The following CTNNA3 variants were observed in gnomAD, a reference collection of about 807,000 sequenced individuals.
CTNNA3 encodes the protein catenin alpha-3.
A neutral mutation model predicts 95.7 loss-of-function variants in CTNNA3; 76 were observed. The observed-to-expected ratio is 0.79, with a 90% confidence interval of 0.66 to 0.96. The LOEUF (loss-of-function observed/expected upper bound fraction) is 0.96. Ranked by LOEUF, CTNNA3 falls within the 40% of genes least tolerant of loss-of-function variation. CTNNA3 has a pLI of 0.00. For synonymous variants in CTNNA3, 431 were observed against 374.4 expected (o/e 1.15, Z -1.74); for missense variants, 1,191 against 1,089.8 (o/e 1.09, Z -1.31).
chr10:67,476,997 C>T (rs1848038997), intron 5 of CTNNA3, among the ~76,000 whole-genome samples: 1 of 151,912 alleles, frequency 6.6e-6, no homozygotes. Context: ...CTCTCTGTCC[C>T]ATGCCCAGCG....
chr10:66,738,341 C>T (rs1402830796), intron 9 of CTNNA3, among the ~76,000 whole-genome samples: 1 of 152,098 alleles, frequency 6.6e-6, no homozygotes, highest in African/African-American at 2.4e-5. Flanking sequence ...TCTGTTTTTA[C>T]CACCTCCAAT....
chr10:66,227,470 A>T (rs2089366669), intron 13 of CTNNA3, among the ~76,000 whole-genome samples: 1 of 151,716 alleles, frequency 6.6e-6, no homozygotes, highest in Non-Finnish European at 1.5e-5. Context: ...GATGTATCAC[A>T]TTTATTGACT....
chr10:67,087,596 A>C (rs1857376837), intron 7 of CTNNA3, among the ~76,000 whole-genome samples: 1 of 152,032 alleles, frequency 6.6e-6, no homozygotes, highest in Admixed American at 6.6e-5. Flanking sequence ...TTAAAATCAA[A>C]TAAAAAATAA....
Position 65,915,824 on chromosome 10 carries a change from T to C in CTNNA3, c.*4506A>G, listed in dbSNP as rs548610368. On this transcript the variant is annotated 3_prime_UTR_variant, in exon 18 of 18. Transcript: ENST00000433211. ...TGTTTTAAACTATTCTTTATTTTGC[T>C]TTAATAGAATATATGTTTTTGTTCA... 3.3e-5 allele frequency: 5 copies of C among 152,198 alleles called. No homozygotes were observed. Among genetic ancestry groups the C allele is most frequent in the Non-Finnish European group, 7.3e-5 (5 of 68,036 alleles). The allele number at this position is 152,198 out of a possible 1,614,324, so 9.4% of individuals were successfully genotyped here.
In CTNNA3 at chr10:66,406,704, A is replaced by T. The variant is rs530022956; in HGVS notation, c.1532-27352T>A. 3.3e-5 allele frequency among the ~76,000 whole-genome samples: 5 copies of T among 152,234 alleles called. No individual in the cohort carries two copies. The South Asian group carries it at 1.0e-3, about 32-fold the overall frequency. On this transcript the variant is annotated intron_variant, in intron 11 of 17. Coordinates refer to ENST00000433211, the MANE Select transcript of CTNNA3 (RefSeq NM_013266.4). ...CAAGCAACCTGCTCCTAGTTCAAAT[A>T]CCAATATATTAAGTGGTATAGAGTT...
At chr10:67,668,361 G>C (rs1840368822) in intron 1 of CTNNA3, among the ~76,000 whole-genome samples, 1 of 152,060 alleles carries the variant, frequency 6.6e-6, no homozygotes. Flanking sequence ...TATAGACAAG[G>C]TATGTGTTCC....
chr10:67,195,518 C>G, intron 6 of CTNNA3, among the ~76,000 whole-genome samples: 1 of 122,496 alleles, frequency 8.2e-6, no homozygotes, highest in Non-Finnish European at 1.7e-5. Flanking sequence ...GGGCGGGGGG[C>G]GGGTAGGCTC....
At chr10:66,235,788 T>TGC in intron 13 of CTNNA3, among the ~76,000 whole-genome samples, 1 of 104,892 alleles carries the variant, frequency 9.5e-6, no homozygotes, top group African/African-American at 3.5e-5. Flanking sequence ...TGACAATTAA[T>TGC]AGGGCCAGAT....
At chr10:67,558,184 G>A (rs1045380837) in intron 3 of CTNNA3, among the ~76,000 whole-genome samples, 4 of 152,220 alleles carry the variant, frequency 2.6e-5, no homozygotes, top group African/African-American at 9.6e-5. Context: ...AGTCCCAGAT[G>A]CAAGAAGAGC....
chr10:66,218,160 T>C (rs527836122), intron 13 of CTNNA3, among the ~76,000 whole-genome samples: 1 of 152,300 alleles, frequency 6.6e-6, no homozygotes, highest in South Asian at 2.1e-4. Flanking sequence ...CTGCAATGTG[T>C]CCGCATGCCT....
chr10:66,866,856 C>T (rs1038134027), intron 7 of CTNNA3, among the ~76,000 whole-genome samples: 1 of 152,182 alleles, frequency 6.6e-6, no homozygotes, highest in African/African-American at 2.4e-5. Context: ...CTCTCCCATA[C>T]TCATCTTAAA....
chr10:66,569,987 C>G (rs184844098), intron 10 of CTNNA3, among the ~76,000 whole-genome samples: 1 of 152,284 alleles, frequency 6.6e-6, no homozygotes, highest in East Asian at 1.9e-4. Context: ...AAGTTGTCTG[C>G]AACCTCTGAG....
chr10:66,995,676 TAA>T (rs1218605642), intron 7 of CTNNA3, among the ~76,000 whole-genome samples: 1 of 152,188 alleles, frequency 6.6e-6, no homozygotes, highest in Non-Finnish European at 1.5e-5. Flanking sequence ...GCCAGACAAC[TAA>T]GACTCAGACT....
At chr10:66,588,763 T>C (rs2132222323) in intron 10 of CTNNA3, among the ~76,000 whole-genome samples, 1 of 152,190 alleles carries the variant, frequency 6.6e-6, no homozygotes, top group South Asian at 2.1e-4. Context: ...TGAGCATCAA[T>C]ATTAGGTGCA....
chr10:67,654,510 AG>A (rs1839966374), intron 1 of CTNNA3, among the ~76,000 whole-genome samples: 1 of 149,094 alleles, frequency 6.7e-6, no homozygotes, highest in Non-Finnish European at 1.5e-5. Flanking sequence ...TTTTGGAGGC[AG>A]GGTCACTCTG....
At chr10:67,294,275 G>A (rs1040681214) in intron 5 of CTNNA3, among the ~76,000 whole-genome samples, 4 of 152,054 alleles carry the variant, frequency 2.6e-5, no homozygotes, top group African/African-American at 4.8e-5. Flanking sequence ...TCTAATACTC[G>A]AGTAAATATA....
At chr10:66,213,501 G>A (rs1292761200) in intron 13 of CTNNA3, among the ~76,000 whole-genome samples, 1 of 152,100 alleles carries the variant, frequency 6.6e-6, no homozygotes, top group Non-Finnish European at 1.5e-5. Context: ...ATAGATATAA[G>A]CAGATGATCT....
intron 7 of CTNNA3, among the ~76,000 whole-genome samples, chr10:66,854,919 C>G (rs1843633656): frequency 6.6e-6 from 1 of 151,828 alleles, no homozygotes; most frequent in Non-Finnish European, 1.5e-5. Flanking sequence ...GAGTACTTTA[C>G]TTAACCTCTA....
rs576339710 is a variant in CTNNA3 at position 66,934,210 on chromosome 10, C to A, written c.1048-158686G>T. On this transcript the variant is annotated intron_variant, in intron 7 of 17. Coordinates refer to ENST00000433211, the MANE Select transcript of CTNNA3 (RefSeq NM_013266.4). ...AAAAGAAAAACAGCTTCTATCTTAT[C>A]CTTTCCAGCAAATGTTGTAATGATA... Among the ~76,000 whole-genome samples the A allele has an allele frequency of 6.9e-4, 105 of 152,156 alleles. 1 individual carries two copies. Among genetic ancestry groups the A allele is most frequent in the African/African-American group, 2.2e-3 (92 of 41,550 alleles).
Sources: gnomAD v4.1 joint callset for allele counts (sites outside exome capture counted in the v4.1 genomes callset) on GRCh38, gnomAD v4.1.1 for gene constraint, MANE v1.5 for transcripts, NCBI Gene and HGNC (gene_info 2026-07-23, HGNC 2026-07-21) for gene names.